PIGU: variants seen among roughly 807,000 people sequenced by gnomAD.
PIGU encodes GPI-anchor transamidase component PIGU.
In PIGU, 24 loss-of-function variants were observed where a neutral mutation model predicts 49.9. The observed-to-expected ratio is 0.48, with a 90% CI of 0.35 to 0.68. The LOEUF (loss-of-function observed/expected upper bound fraction) is 0.68, where lower values mean the gene tolerates loss of function less well. Ranked by LOEUF, PIGU falls within the 30% of genes least tolerant of loss-of-function variation. PIGU has a pLI of 0.01. For missense variants in PIGU, 490 were observed against 532.6 expected, an observed-to-expected ratio of 0.92 and a Z score of 0.79; for synonymous variants, 220 against 205.7, an observed-to-expected ratio of 1.07 and a Z score of -0.59.
chr20:34,576,093 G>A (rs1478189163), intron 10 of PIGU, among the ~76,000 whole-genome samples: 1 of 152,132 alleles, frequency 6.6e-6, no homozygotes, highest in African/African-American at 2.4e-5. Context: ...TTAAAAATTA[G>A]GGTGGGCATG....
chr20:34,636,617 C>T (rs1985972708), intron 5 of PIGU, among the ~76,000 whole-genome samples: 1 of 152,106 alleles, frequency 6.6e-6, no homozygotes, highest in Non-Finnish European at 1.5e-5. Flanking sequence ...GGAAGGACCA[C>T]CAAATGGATA....
intron 10 of PIGU, among the ~76,000 whole-genome samples, chr20:34,575,650 C>T (rs1018928910): frequency 5.3e-5 from 8 of 152,118 alleles, no homozygotes; most frequent in African/African-American, 1.9e-4. Context: ...TGGGTGGGAA[C>T]CCCAGCATGA....
chr20:34,634,059 G>A (rs924598612), intron 6 of PIGU, among the ~76,000 whole-genome samples: 11 of 151,968 alleles, frequency 7.2e-5, no homozygotes, highest in African/African-American at 2.4e-4. Flanking sequence ...CTAATCATAA[G>A]CCTTTTAGAA....
At chr20:34,615,951 T>A (rs1984987682) in intron 7 of PIGU, 91 bp downstream of exon 7, 1 of 1,476,708 alleles carries the variant, frequency 6.8e-7, no homozygotes, top group Non-Finnish European at 8.9e-7. Flanking sequence ...CCACTGCCTT[T>A]ACTAACCCGT....
At chr20:34,643,871 T>C in intron 4 of PIGU, 1 of 177,296 alleles carries the variant, frequency 5.6e-6, no homozygotes. Context: ...TAACGACAGG[T>C]AATATAACTG....
In PIGU at chr20:34,643,339, T is replaced by A. The variant is rs116373982; in HGVS notation, c.318+825A>T. Among the ~76,000 whole-genome samples, 662 of 152,366 alleles carry A rather than the reference T, an allele frequency of 4.3e-3. 4 individuals are homozygous for A. Among genetic ancestry groups the A allele is most frequent in the African/African-American group, 0.015 (627 of 41,584 alleles). ...GTCTAGATATTTTTTAAAATCTCTC[T>A]GGGGTCTAAAATTCTAGAATTCACC... On this transcript the variant is annotated intron_variant, in intron 4 of 11. Coordinates refer to ENST00000217446, the MANE Select transcript of PIGU (RefSeq NM_080476.5).
rs1274990411 is a variant in PIGU at position 34,575,202 on chromosome 20, A to G, written c.1096T>C (p.Ser366Pro). ...FVLTCIIIVC[S>P]LLFPVLWHLW... is the part of the protein sequence containing the mutation. ...TGCCACAGGACAGGGAAGAGCAGGGAACAGACGATGATGATGCAGGTGAGG... is the reference window on the plus strand; with the variant it reads ...TGCCACAGGACAGGGAAGAGCAGGGGACAGACGATGATGATGCAGGTGAGG... The change falls in exon 11 of 12, where the codon TCC (serine) becomes CCC (proline). Residue 366 changes from serine (S) to proline (P), a missense_variant. Transcript: ENST00000217446. The G allele has an allele frequency of 1.2e-6, 2 of 1,614,170 alleles. No homozygotes were observed. The highest frequency in any genetic ancestry group is 1.7e-6 in the Non-Finnish European group (2 of 1,180,008).
At chr20:34,574,495 G>A (rs929148180) in intron 11 of PIGU, among the ~76,000 whole-genome samples, 6 of 152,080 alleles carry the variant, frequency 3.9e-5, no homozygotes, top group Non-Finnish European at 8.8e-5. Flanking sequence ...CAGCTCAGGG[G>A]AAGGCTGAGC....
chr20:34,602,306 T>C (rs989724647), intron 7 of PIGU, among the ~76,000 whole-genome samples: 4 of 144,648 alleles, frequency 2.8e-5, no homozygotes, highest in African/African-American at 7.8e-5. Flanking sequence ...TAAAATAAAA[T>C]ATATGTATGG....
chr20:34,631,767 A>T (rs1217449094), intron 6 of PIGU, among the ~76,000 whole-genome samples: 4 of 3,722 alleles, frequency 1.1e-3, no homozygotes, highest in East Asian at 7.8e-3. Context: ...ATATATATAT[A>T]TATATATATA....
chr20:34,618,147 T>C (rs1280270814), intron 6 of PIGU, among the ~76,000 whole-genome samples: 3 of 152,236 alleles, frequency 2.0e-5, no homozygotes, highest in Admixed American at 1.3e-4. Flanking sequence ...ACAAAGTTTA[T>C]AGTGGTTATC....
intron 6 of PIGU, among the ~76,000 whole-genome samples, chr20:34,624,703 A>G (rs935828560): frequency 1.3e-5 from 2 of 152,218 alleles, no homozygotes; most frequent in Non-Finnish European, 2.9e-5. Flanking sequence ...GGCAGAGTAC[A>G]CTTTGCCCAA....
intron 7 of PIGU, among the ~76,000 whole-genome samples, chr20:34,593,515 G>A (rs766188044): frequency 8.5e-5 from 13 of 152,112 alleles, no homozygotes; most frequent in East Asian, 3.8e-4. Context: ...ATATTGGCTC[G>A]TTAATAGAGA....
intron 4 of PIGU, among the ~76,000 whole-genome samples, chr20:34,641,782 C>T (rs1489987337): frequency 6.6e-6 from 1 of 152,158 alleles, no homozygotes; most frequent in Non-Finnish European, 1.5e-5. Flanking sequence ...TGCTGCTATC[C>T]TACCTAAATC....
intron 1 of PIGU, among the ~76,000 whole-genome samples, chr20:34,660,048 TA>T (rs1555803430): frequency 0.048 from 1,978 of 41,452 alleles, 37 homozygotes; most frequent in African/African-American, 0.13. Flanking sequence ...GAATGATCAA[TA>T]AAAAAAAAAA....
At chr20:34,613,477 G>C (rs1456696737) in intron 7 of PIGU, among the ~76,000 whole-genome samples, 6 of 152,168 alleles carry the variant, frequency 3.9e-5, no homozygotes, top group Non-Finnish European at 7.3e-5. Flanking sequence ...GTGGTGCATA[G>C]AGATTGGCTT....
chr20:34,599,060 C>T (rs1051751744), intron 7 of PIGU, among the ~76,000 whole-genome samples: 4 of 152,122 alleles, frequency 2.6e-5, no homozygotes, highest in African/African-American at 9.7e-5. Context: ...GCTCATAAGC[C>T]ACCACATCTG....
chr20:34,670,168 TTC>T (rs1461163940), intron 1 of PIGU, among the ~76,000 whole-genome samples: 5 of 149,224 alleles, frequency 3.4e-5, no homozygotes, highest in African/African-American at 1.2e-4. Flanking sequence ...GTCTTACAAA[TTC>T]TGTTTAATTT....
intron 7 of PIGU, among the ~76,000 whole-genome samples, chr20:34,592,414 G>C (rs955273481): frequency 6.8e-6 from 1 of 146,498 alleles, no homozygotes; most frequent in East Asian, 2.0e-4. Flanking sequence ...TGTTATTGAT[G>C]GCTTTCTAAT....
Sources: allele counts gnomAD v4.1 joint callset (sites outside exome capture counted in the v4.1 genomes callset), GRCh38; gene constraint gnomAD v4.1.1; transcripts MANE v1.5; gene names NCBI Gene and HGNC (gene_info 2026-07-23, HGNC 2026-07-21).